ARHGAP26: variants seen among roughly 807,000 people sequenced by gnomAD.
ARHGAP26 encodes the protein rho GTPase-activating protein 26.
ARHGAP26 carries 38 observed loss-of-function variants against 104.8 expected under a neutral mutation model. That is an observed-to-expected ratio of 0.36 (90% CI 0.28 to 0.48). The LOEUF (loss-of-function observed/expected upper bound fraction) is 0.48. ARHGAP26 is among the 20% of genes least tolerant of loss of function. ARHGAP26 has a pLI of 0.99. For synonymous variants in ARHGAP26, 341 were observed against 340.0 expected (o/e 1.00, Z -0.03); for missense variants, 704 against 947.9 (o/e 0.74, Z 3.38).
intron 3 of ARHGAP26, among the ~76,000 whole-genome samples, chr5:142,876,106 A>G (rs1001734297): frequency 2.0e-5 from 3 of 152,092 alleles, no homozygotes; most frequent in Non-Finnish European, 4.4e-5. Context: ...GTTCCTTTGC[A>G]TTTTTCTCCA....
At chr5:143,131,927 C>G (rs547457139) in intron 18 of ARHGAP26, among the ~76,000 whole-genome samples, 2 of 152,262 alleles carry the variant, frequency 1.3e-5, no homozygotes, top group African/African-American at 2.4e-5. Flanking sequence ...GCTTTTCTTT[C>G]TATTATAGAG....
At chr5:142,999,159 G>A (rs192319623) in intron 11 of ARHGAP26, among the ~76,000 whole-genome samples, 39 of 152,282 alleles carry the variant, frequency 2.6e-4, no homozygotes, top group Middle Eastern at 3.4e-3. Context: ...GAGACGAAGA[G>A]GTTTGATCCG....
Position 143,201,872 on chromosome 5 carries a change from A to T in ARHGAP26, c.1989-5326A>T, listed in dbSNP as rs149494206. ...TCTAAAGTACAAATAAACAAAAGGC[A>T]TAATTCCTTTAGTCATTTAAAAAAT... On this transcript the variant is annotated intron_variant, in intron 20 of 22. Transcript: ENST00000645722. 3.2e-3 allele frequency among the ~76,000 whole-genome samples: 483 copies of T among 152,350 alleles called. 3 individuals carry two copies. Among genetic ancestry groups the T allele is most frequent in the African/African-American group, 0.011 (466 of 41,588 alleles).
chr5:143,116,743 T>TC (rs1795503383), intron 17 of ARHGAP26, among the ~76,000 whole-genome samples: 1 of 152,220 alleles, frequency 6.6e-6, no homozygotes, highest in Admixed American at 6.5e-5. Context: ...TCCATCTATT[T>TC]CCTCTTAAAG....
chr5:143,132,856 T>C (rs535962896), intron 18 of ARHGAP26, among the ~76,000 whole-genome samples: 119 of 131,402 alleles, frequency 9.1e-4, no homozygotes, highest in Non-Finnish European at 1.5e-3. Flanking sequence ...AAAAGGAATC[T>C]GGGGTAAAAA....
chr5:142,885,360 G>T lies in ARHGAP26; in HGVS notation c.447G>T (p.Leu149Phe). ...ATTGTGGCATCTTAGAAAAACACTT[G>T]AATTTGTCTTCCAAAAAGAAAGAAT... ...EKYCGILEKH[L>F]NLSSKKKESQ... The change falls in exon 5 of 23, where the codon TTG (leucine) becomes TTT (phenylalanine). Residue 149 changes from leucine (L) to phenylalanine (F), a missense_variant. Leu to Phe is a conservative substitution (Grantham distance 22, BLOSUM62 0). Around this residue, in one of 6 missense-constraint regions of ARHGAP26, gnomAD observed 106 missense variants for 120.5 expected, o/e 0.88. Transcript: ENST00000645722. 1 of 1,613,750 alleles carries T rather than the reference G, an allele frequency of 6.2e-7. No individual in the cohort carries two copies. Among genetic ancestry groups the T allele is most frequent in the Middle Eastern group, 1.7e-4 (1 of 6,058 alleles).
At chr5:142,811,181 C>T (rs1362257117) in intron 1 of ARHGAP26, among the ~76,000 whole-genome samples, 2 of 152,160 alleles carry the variant, frequency 1.3e-5, no homozygotes, top group Non-Finnish European at 2.9e-5. Context: ...TGAGCCAGTG[C>T]ATACGGACTT....
At chr5:143,091,613 ATG>A (rs1791445211) in intron 17 of ARHGAP26, among the ~76,000 whole-genome samples, 1 of 152,294 alleles carries the variant, frequency 6.6e-6, no homozygotes, top group African/African-American at 2.4e-5. Context: ...CTTTATATTA[ATG>A]TGTTATTAAT....
chr5:142,957,790 A>G (rs1193617066), intron 11 of ARHGAP26, among the ~76,000 whole-genome samples: 1 of 152,232 alleles, frequency 6.6e-6, no homozygotes, highest in African/African-American at 2.4e-5. Context: ...TGGCAAGGAA[A>G]ACTTCTGCCT....
At chr5:142,813,672 G>C (rs535790926) in intron 1 of ARHGAP26, among the ~76,000 whole-genome samples, 167 of 152,300 alleles carry the variant, frequency 1.1e-3, no homozygotes, top group African/African-American at 3.9e-3. Flanking sequence ...TTTCTCTGCT[G>C]TGCCTGTGTC....
At chr5:142,794,419 C>G (rs1462802964) in intron 1 of ARHGAP26, among the ~76,000 whole-genome samples, 2 of 152,188 alleles carry the variant, frequency 1.3e-5, no homozygotes, top group Non-Finnish European at 2.9e-5. Context: ...TCCACACTGG[C>G]ATAAGTAAAT....
At chr5:142,850,781 G>A (rs1751360145) in intron 1 of ARHGAP26, among the ~76,000 whole-genome samples, 1 of 152,196 alleles carries the variant, frequency 6.6e-6, no homozygotes, top group Admixed American at 6.5e-5. Flanking sequence ...GTATTATGCA[G>A]AGCCCTGTGC....
At chr5:142,920,634 G>T (rs1017700636) in intron 10 of ARHGAP26, among the ~76,000 whole-genome samples, 9 of 152,232 alleles carry the variant, frequency 5.9e-5, no homozygotes, top group African/African-American at 1.9e-4. Flanking sequence ...TGTGTTAAGT[G>T]CCCCTTTCCC....
intron 17 of ARHGAP26, among the ~76,000 whole-genome samples, chr5:143,110,604 C>T (rs1314100526): frequency 1.3e-5 from 2 of 152,186 alleles, no homozygotes. Context: ...TATTTACCCT[C>T]TGGCATCTTT....
At chr5:143,004,742 C>T (rs1291937875) in intron 11 of ARHGAP26, among the ~76,000 whole-genome samples, 1 of 152,208 alleles carries the variant, frequency 6.6e-6, no homozygotes, top group East Asian at 1.9e-4. Context: ...CTTCTCTTCT[C>T]CAACCAACAC....
At chr5:142,880,089 A>G (rs1425972384) in intron 4 of ARHGAP26, among the ~76,000 whole-genome samples, 1 of 152,208 alleles carries the variant, frequency 6.6e-6, no homozygotes, top group African/African-American at 2.4e-5. Flanking sequence ...CAACCTGGAG[A>G]TCACCGTTTG....
rs999076871 is a variant in ARHGAP26 at position 143,224,466 on chromosome 5, T to A, written c.*2020T>A. 4 of 228,866 alleles carry A rather than the reference T, an allele frequency of 1.7e-5. No individual in the cohort carries two copies. Among genetic ancestry groups the A allele is most frequent in the African/African-American group, 8.9e-5 (4 of 45,090 alleles). 14.2% of individuals were successfully genotyped at this position (228,866 alleles called of 1,614,324 possible). Reference sequence around the variant, plus strand: ...ATGAGTTTTTCAAAGAATGCCTACTTAGTAGTAAGATGAAGCTCAGGATTT... The same window carrying A: ...ATGAGTTTTTCAAAGAATGCCTACTAAGTAGTAAGATGAAGCTCAGGATTT... On this transcript the variant is annotated 3_prime_UTR_variant, in exon 23 of 23. Coordinates refer to ENST00000645722, the MANE Select transcript of ARHGAP26 (RefSeq NM_001135608.3).
At chr5:142,809,324 A>T (rs1185258764) in intron 1 of ARHGAP26, among the ~76,000 whole-genome samples, 1 of 152,258 alleles carries the variant, frequency 6.6e-6, no homozygotes, top group African/African-American at 2.4e-5. Flanking sequence ...TCTACTGTAA[A>T]TAAAAGTTCC....
chr5:143,159,339 G>A (rs1800910242), intron 20 of ARHGAP26, among the ~76,000 whole-genome samples: 2 of 152,194 alleles, frequency 1.3e-5, no homozygotes, highest in Non-Finnish European at 1.5e-5. Context: ...GTCTGGAGAG[G>A]CAAATTAATG....
Sources: allele counts gnomAD v4.1 joint callset (sites outside exome capture counted in the v4.1 genomes callset), GRCh38; gene constraint gnomAD v4.1.1; regional missense constraint gnomAD v4.1.1; transcripts MANE v1.5; gene names NCBI Gene and HGNC (gene_info 2026-07-23, HGNC 2026-07-21).